ESR2: variants seen among roughly 807,000 people sequenced by gnomAD.
ESR2 encodes the protein estrogen receptor 2, also known as estrogen receptor beta.
ESR2 carries 36 observed loss-of-function variants against 49.6 expected under a neutral mutation model. The ratio of observed to expected loss-of-function variants is 0.73; its 90% CI spans 0.56 to 0.96. ESR2 has a LOEUF of 0.96. Among genes scored for constraint, ESR2 ranks in the 40% least tolerant of loss-of-function variants. The pLI is 0.00. For synonymous variants in ESR2, 320 were observed against 266.1 expected, an observed-to-expected ratio of 1.20 and a Z score of -1.97; for missense variants, 714 against 693.0, an observed-to-expected ratio of 1.03 and a Z score of -0.34.
intron 7 of ESR2, among the ~76,000 whole-genome samples, chr14:64,243,881 A>T (rs1018689791): frequency 6.6e-6 from 1 of 152,056 alleles, no homozygotes; most frequent in Non-Finnish European, 1.5e-5. Context: ...CTCTCCATAG[A>T]TCTCCAAAAT....
intron 1 of ESR2, chr14:64,330,646 G>A (rs2077444210): frequency 6.6e-6 from 1 of 152,184 alleles, no homozygotes; most frequent in African/African-American, 2.4e-5. Context: ...AATTATGAAA[G>A]GTAATCTGCT....
At chr14:64,258,099 C>T (rs913277261) in intron 5 of ESR2, among the ~76,000 whole-genome samples, 14 of 152,064 alleles carry the variant, frequency 9.2e-5, no homozygotes, top group African/African-American at 2.9e-4. Flanking sequence ...GTCCCAGATA[C>T]TCTGGAGGCT....
chr14:64,274,334 A>C (rs1332993850), intron 3 of ESR2, among the ~76,000 whole-genome samples: 1 of 152,068 alleles, frequency 6.6e-6, no homozygotes, highest in Non-Finnish European at 1.5e-5. Flanking sequence ...TTCAATCTTA[A>C]CAGTATGTAT....
intron 6 of ESR2, among the ~76,000 whole-genome samples, chr14:64,255,137 G>A (rs2076073439): frequency 6.6e-6 from 1 of 151,820 alleles, no homozygotes; most frequent in Non-Finnish European, 1.5e-5. Context: ...TAAAAACCAG[G>A]AATGAAATAG....
At chr14:64,233,532 C>T in intron 8 of ESR2, 1 of 555,278 alleles carries the variant, frequency 1.8e-6, no homozygotes, top group Non-Finnish European at 3.2e-6. Flanking sequence ...CCTCTGTGTC[C>T]CACCACACAC....
chr14:64,275,532 A>C (rs1267769857), intron 3 of ESR2, among the ~76,000 whole-genome samples: 2 of 152,056 alleles, frequency 1.3e-5, no homozygotes, highest in South Asian at 4.2e-4. Flanking sequence ...GTGAAACCCC[A>C]TCTCTACTAA....
intron 7 of ESR2, among the ~76,000 whole-genome samples, chr14:64,241,980 A>C (rs1435114523): frequency 6.6e-6 from 1 of 152,202 alleles, no homozygotes. Flanking sequence ...CCTGATTGTG[A>C]TTAAGTATAA....
chr14:64,266,871 T>C (rs1459913956), intron 4 of ESR2, among the ~76,000 whole-genome samples: 1 of 152,168 alleles, frequency 6.6e-6, no homozygotes, highest in Non-Finnish European at 1.5e-5. Flanking sequence ...TTCAAAACTT[T>C]CAACTAAACT....
intron 7 of ESR2, among the ~76,000 whole-genome samples, chr14:64,242,842 C>T (rs2075766154): frequency 1.2e-5 from 1 of 82,884 alleles, no homozygotes; most frequent in Non-Finnish European, 2.2e-5. Context: ...GGGCAATATA[C>T]AAAAGAAAGG....
At chr14:64,315,474 T>C (rs1435946582) in intron 1 of ESR2, among the ~76,000 whole-genome samples, 1 of 151,876 alleles carries the variant, frequency 6.6e-6, no homozygotes, top group Non-Finnish European at 1.5e-5. Flanking sequence ...TTTTTAATGT[T>C]TTATTTATTT....
intron 5 of ESR2, 147 bp from the exon 6 acceptor site, chr14:64,257,511 T>G (rs2076128536): frequency 2.0e-6 from 2 of 1,014,408 alleles, no homozygotes; most frequent in Non-Finnish European, 1.4e-6. Flanking sequence ...AACTGCTCAT[T>G]AAAGGAAGAA....
intron 5 of ESR2, chr14:64,260,207 C>CAT (rs1421668522): frequency 1.4e-6 from 1 of 739,282 alleles, no homozygotes; most frequent in Admixed American, 1.8e-5. Context: ...TCTGCACTAC[C>CAT]ATGTTGGGTA....
intron 7 of ESR2, among the ~76,000 whole-genome samples, chr14:64,237,437 G>A (rs777738473): frequency 8.5e-5 from 13 of 152,082 alleles, no homozygotes; most frequent in African/African-American, 2.2e-4. Flanking sequence ...TAACTACCCC[G>A]TAGTGTGTTC....
intron 1 of ESR2, among the ~76,000 whole-genome samples, chr14:64,283,420 G>A (rs920429443): frequency 5.9e-5 from 9 of 152,080 alleles, no homozygotes; most frequent in South Asian, 2.1e-4. Context: ...CCAAGTAAAC[G>A]CTAAGAGAAG....
At chr14:64,238,761 A>AG (rs912629577) in intron 7 of ESR2, among the ~76,000 whole-genome samples, 4 of 151,968 alleles carry the variant, frequency 2.6e-5, no homozygotes, top group African/African-American at 9.7e-5. Flanking sequence ...AGTTTAAAAA[A>AG]AAAAAACAAA....
chr14:64,246,390 CT>C (rs1445936248), intron 7 of ESR2, among the ~76,000 whole-genome samples: 1 of 152,016 alleles, frequency 6.6e-6, no homozygotes, highest in African/African-American at 2.4e-5. Context: ...TTCCTGGCAC[CT>C]TGTGAAGAAG....
intron 7 of ESR2, among the ~76,000 whole-genome samples, chr14:64,241,357 C>A (rs377089707): frequency 8.5e-5 from 13 of 152,260 alleles, no homozygotes; most frequent in South Asian, 6.2e-4. Flanking sequence ...CTGTTGACAT[C>A]AATACCACAT....
intron 1 of ESR2, among the ~76,000 whole-genome samples, chr14:64,326,259 C>T (rs1331068241): frequency 1.3e-5 from 2 of 152,104 alleles, no homozygotes; most frequent in African/African-American, 4.8e-5. Context: ...TTCTTTTCTA[C>T]TGACTACTCC....
chr14:64,319,922 ACTC>A (rs199844655), intron 1 of ESR2, among the ~76,000 whole-genome samples: 1,583 of 152,212 alleles, frequency 0.01, 25 homozygotes, highest in African/African-American at 0.036. Context: ...CAGAAATAGT[ACTC>A]CTTGGTTTTT....
Sources: allele counts gnomAD v4.1 joint callset (sites outside exome capture counted in the v4.1 genomes callset), GRCh38; gene constraint gnomAD v4.1.1; transcripts MANE v1.5; gene names NCBI Gene and HGNC (gene_info 2026-07-23, HGNC 2026-07-21).